Variants in ARIH1 observed in about 807,000 individuals in gnomAD.
ARIH1 encodes ariadne RBR E3 ubiquitin protein ligase 1.
Under a neutral mutation model 85.0 loss-of-function variants are expected in ARIH1, and 8 were observed. That is an observed-to-expected ratio of 0.09 (90% CI 0.06 to 0.17). ARIH1 has a LOEUF of 0.17. ARIH1 is among the 10% of genes least tolerant of loss of function. ARIH1 has a pLI of 1.00. For missense variants in ARIH1, 311 were observed against 718.1 expected (o/e 0.43, Z 6.48); for synonymous variants, 238 against 253.6 (o/e 0.94, Z 0.59).
chr15:72,495,576 T>G (rs1018751985), intron 1 of ARIH1, among the ~76,000 whole-genome samples: 1 of 152,170 alleles, frequency 6.6e-6, no homozygotes, highest in Non-Finnish European at 1.5e-5. Context: ...AATGGTTAGA[T>G]CTCCTATAAA....
chr15:72,513,889 G>A (rs984352254), intron 1 of ARIH1, among the ~76,000 whole-genome samples: 30 of 134,416 alleles, frequency 2.2e-4, no homozygotes, highest in Admixed American at 1.7e-3. Flanking sequence ...CCCCGCCTCC[G>A]CCAAAGACAG....
At chr15:72,498,089 G>C (rs181317494) in intron 1 of ARIH1, among the ~76,000 whole-genome samples, 1 of 152,212 alleles carries the variant, frequency 6.6e-6, no homozygotes, top group African/African-American at 2.4e-5. Context: ...AAGGTATTAG[G>C]TATTTAATGC....
chr15:72,505,416 T>C (rs1406365594), intron 1 of ARIH1, among the ~76,000 whole-genome samples: 1 of 152,216 alleles, frequency 6.6e-6, no homozygotes, highest in Non-Finnish European at 1.5e-5. Context: ...TGGTATCTCA[T>C]GAATAACCTT....
At chr15:72,559,878 T>C (rs541806355) in intron 5 of ARIH1, among the ~76,000 whole-genome samples, 2 of 152,242 alleles carry the variant, frequency 1.3e-5, no homozygotes, top group Non-Finnish European at 2.9e-5. Flanking sequence ...TTTTCATTGC[T>C]GAATAATGGT....
intron 2 of ARIH1, among the ~76,000 whole-genome samples, chr15:72,532,165 ATT>A (rs34515098): frequency 1.2e-4 from 17 of 144,644 alleles, no homozygotes; most frequent in East Asian, 2.0e-4. Flanking sequence ...AAGCCGTAAG[ATT>A]TTTTTTTTTT....
At chr15:72,581,096 C>G (rs1228873698) in intron 12 of ARIH1, 105 bp downstream of exon 12, 1 of 1,186,074 alleles carries the variant, frequency 8.4e-7, no homozygotes, top group African/African-American at 1.5e-5. Context: ...TTGTTCAGAA[C>G]ATGTAGGTAG....
chr15:72,539,703 G>T (rs556061967), intron 2 of ARIH1, among the ~76,000 whole-genome samples: 14 of 152,240 alleles, frequency 9.2e-5, no homozygotes, highest in Non-Finnish European at 2.1e-4. Flanking sequence ...TAAGTGCTTA[G>T]AATAAAGCCT....
At chr15:72,516,139 A>G (rs552526264) in intron 1 of ARIH1, among the ~76,000 whole-genome samples, 52 of 152,194 alleles carry the variant, frequency 3.4e-4, no homozygotes, top group Non-Finnish European at 6.6e-4. Context: ...ACATCAAGTT[A>G]TACTCCCTCC....
chr15:72,555,854 T>A lies in ARIH1; in HGVS notation c.684T>A (p.Thr228=), dbSNP rs768369523. 4 of 1,612,666 alleles carry A rather than the reference T, an allele frequency of 2.5e-6. No individual in the cohort carries two copies. In the South Asian group the frequency reaches 4.4e-5, roughly 18 times the overall value. The change falls in exon 5 of 14, where the codon ACT becomes ACA. Residue 228 remains threonine (T), a splice_region_variant and synonymous_variant. Transcript: ENST00000379887. ...GTTTAAATTTCAATCTTTTTCAGAC[T>A]ATTTCGTGTCCTGCTCATGGTTGTG... ...TKIMEEGMGQ[T]ISCPAHGCDI...
In ARIH1 at chr15:72,595,523, G is replaced by A. The variant is rs2064360059; in HGVS notation, c.*12231G>A. ...TTTGAGACAGGGTCTCTGTCACGCA[G>A]GCTGGAGTGTGGTGGCATGAACGTG... On this transcript the variant is annotated 3_prime_UTR_variant, in exon 14 of 14. Transcript: ENST00000379887. 6.6e-6 allele frequency: 1 copy of A among 152,278 alleles called. No individual in the cohort carries two copies. Among genetic ancestry groups the A allele is most frequent in the Non-Finnish European group, 1.5e-5 (1 of 68,196 alleles). 9.4% of individuals were successfully genotyped at this position (152,278 alleles called of 1,614,324 possible).
intron 11 of ARIH1, chr15:72,580,523 T>G (rs1182244829): frequency 1.8e-6 from 1 of 544,616 alleles, no homozygotes; most frequent in Non-Finnish European, 3.2e-6. Context: ...TTTTCCATAA[T>G]GGCTATACTA....
chr15:72,574,894 A>ACCCCCCCC (rs201163446), intron 11 of ARIH1, among the ~76,000 whole-genome samples: 21 of 107,818 alleles, frequency 1.9e-4, no homozygotes, highest in Admixed American at 3.1e-4. Flanking sequence ...ACATAGTAAG[A>ACCCCCCCC]CCCCCCCGCC....
Position 72,474,917 on chromosome 15 carries a change from A to G in ARIH1, c.278A>G (p.His93Arg), listed in dbSNP as rs1405301183. The change falls in exon 1 of 14, where the codon CAT (histidine) becomes CGT (arginine). Residue 93 changes from histidine to arginine, a missense_variant. Transcript: ENST00000379887. ...GGCGGTGGTGGTGGCGGGCCGGGGC[A>G]TGAGCAGGAGGAGGATTACCGCTAC... ...GGGGGGGGPG[H>R]EQEEDYRYEV... 12 of 1,484,338 alleles carry G rather than the reference A, an allele frequency of 8.1e-6. No homozygotes were observed. The highest frequency in any genetic ancestry group is 1.7e-4 in the Middle Eastern group (1 of 5,738). 91.9% of individuals were successfully genotyped at this position (1,484,338 alleles called of 1,614,324 possible).
At chr15:72,494,004 T>C (rs955554047) in intron 1 of ARIH1, among the ~76,000 whole-genome samples, 1 of 152,134 alleles carries the variant, frequency 6.6e-6, no homozygotes, top group African/African-American at 2.4e-5. Flanking sequence ...CCTCACAGTA[T>C]TATTGATGTC....
At chr15:72,553,533 C>G (rs1374938829) in intron 3 of ARIH1, among the ~76,000 whole-genome samples, 2 of 151,874 alleles carry the variant, frequency 1.3e-5, no homozygotes, top group African/African-American at 4.8e-5. Flanking sequence ...TAAATTCACC[C>G]CCTAATTCCT....
intron 2 of ARIH1, among the ~76,000 whole-genome samples, chr15:72,539,431 G>A (rs768455913): frequency 1.3e-5 from 2 of 151,666 alleles, no homozygotes; most frequent in Non-Finnish European, 2.9e-5. Flanking sequence ...AACAGAAGGT[G>A]AAAAGGGAAC....
At chr15:72,478,387 G>T (rs750856248) in intron 1 of ARIH1, among the ~76,000 whole-genome samples, 1 of 152,046 alleles carries the variant, frequency 6.6e-6, no homozygotes, top group East Asian at 1.9e-4. Context: ...AAAGTGCTGG[G>T]ATTACAGTCT....
rs1244440977 is a variant in ARIH1, at chr15:72,596,114, AG to A, written c.*12825del. The A allele has an allele frequency of 1.3e-5, 2 of 152,110 alleles. 1 individual carries two copies. Among genetic ancestry groups the A allele is most frequent in the African/African-American group, 4.8e-5 (2 of 41,432 alleles). 9.4% of individuals were successfully genotyped at this position (152,110 alleles called of 1,614,324 possible). A position where few individuals can be genotyped will look rare whatever the true frequency, so the allele number is the denominator to read the frequency against. On this transcript the variant is annotated 3_prime_UTR_variant, in exon 14 of 14. Coordinates refer to ENST00000379887, the MANE Select transcript of ARIH1 (RefSeq NM_005744.5). ...GGGATTACAGGTCACTAGGCGTAGT[AG>A]GGCTACTACGCCTGGCCCTACTGCA...
chr15:72,485,490 T>A (rs1441602401), intron 1 of ARIH1, among the ~76,000 whole-genome samples: 6 of 152,204 alleles, frequency 3.9e-5, no homozygotes, highest in African/African-American at 1.2e-4. Context: ...AGTGAGCTAT[T>A]TTTGTGATGC....
Sources: allele counts gnomAD v4.1 joint callset (sites outside exome capture counted in the v4.1 genomes callset), GRCh38; gene constraint gnomAD v4.1.1; transcripts MANE v1.5; gene names NCBI Gene and HGNC (gene_info 2026-07-23, HGNC 2026-07-21).